Variants in AUTS2 observed in about 807,000 individuals in gnomAD.
The protein encoded by AUTS2 is autism susceptibility gene 2 protein.
Under a neutral mutation model 112.4 loss-of-function variants are expected in AUTS2, and 17 were observed. The ratio of observed to expected loss-of-function variants is 0.15; its 90% CI spans 0.10 to 0.23. The LOEUF (loss-of-function observed/expected upper bound fraction) is 0.23, where lower values mean the gene tolerates loss of function less well. AUTS2 is among the 10% of genes least tolerant of loss of function. AUTS2 has a pLI of 1.00. For synonymous variants in AUTS2, 751 were observed against 702.7 expected, an observed-to-expected ratio of 1.07 and a Z score of -1.09; for missense variants, 1,510 against 1,701.6, an observed-to-expected ratio of 0.89 and a Z score of 1.98.
At chr7:70,783,764 A>G (rs555245809) in intron 15 of AUTS2, 1 of 152,342 alleles carries the variant, frequency 6.6e-6, no homozygotes, top group African/African-American at 2.4e-5. Context: ...AATATAAACT[A>G]GAGACTTCTT....
chr7:69,724,848 C>G (rs746197540), intron 1 of AUTS2, among the ~76,000 whole-genome samples: 27 of 152,068 alleles, frequency 1.8e-4, no homozygotes, highest in Admixed American at 6.6e-4. Context: ...GGATCCATGT[C>G]CAGAGAGGGA....
At chr7:70,468,979 T>C (rs760903148) in intron 5 of AUTS2, among the ~76,000 whole-genome samples, 1 of 152,252 alleles carries the variant, frequency 6.6e-6, no homozygotes, top group Non-Finnish European at 1.5e-5. Context: ...GTCACGGGAC[T>C]CTGCCCTATA....
intron 5 of AUTS2, among the ~76,000 whole-genome samples, chr7:70,443,620 G>A (rs535786606): frequency 1.1e-4 from 17 of 152,286 alleles, no homozygotes; most frequent in African/African-American, 4.1e-4. Flanking sequence ...GGGTATATGT[G>A]TGTGTACTCT....
chr7:70,598,825 T>C (rs191589294), intron 5 of AUTS2, among the ~76,000 whole-genome samples: 32 of 152,342 alleles, frequency 2.1e-4, no homozygotes, highest in Admixed American at 1.6e-3. Flanking sequence ...TATGTATTTA[T>C]CTGAAGTCAG....
intron 4 of AUTS2, among the ~76,000 whole-genome samples, chr7:70,283,742 A>G (rs1788329846): frequency 6.6e-6 from 1 of 152,158 alleles, no homozygotes; most frequent in Non-Finnish European, 1.5e-5. Context: ...TCTACTTAGA[A>G]TAGTCCTTTG....
chr7:70,227,254 C>G (rs936499186), intron 4 of AUTS2, among the ~76,000 whole-genome samples: 1 of 151,324 alleles, frequency 6.6e-6, no homozygotes, highest in Admixed American at 6.6e-5. Context: ...ACACCCCTGC[C>G]ATTCTAATGT....
Position 70,791,089 on chromosome 7 carries a change from C to CT in AUTS2, c.*94dup. On this transcript the variant is annotated 3_prime_UTR_variant, in exon 19 of 19. Transcript: ENST00000342771. ...AGAACTCCTGCATGGCTCACACAGA[C>CT]TGGGGGGGAAAGCCCCACCCCTTCC... 1 of 1,294,810 alleles carries CT rather than the reference C, an allele frequency of 7.7e-7. No homozygotes were observed. Among genetic ancestry groups the CT allele is most frequent in the Admixed American group, 3.4e-5 (1 of 29,626 alleles). The allele number at this position is 1,294,810 out of a possible 1,614,324, so 80.2% of individuals were successfully genotyped here. A position where few individuals can be genotyped will look rare whatever the true frequency, so the allele number is the denominator to read the frequency against.
chr7:69,912,711 C>T (rs1029832165), intron 2 of AUTS2, among the ~76,000 whole-genome samples: 1 of 152,216 alleles, frequency 6.6e-6, no homozygotes, highest in Non-Finnish European at 1.5e-5. Flanking sequence ...CTACCTTCAG[C>T]TCTTTGGCTT....
intron 4 of AUTS2, among the ~76,000 whole-genome samples, chr7:70,228,231 TTATTAAACTACATTTAATTTG>T (rs1202569150): frequency 1.3e-5 from 2 of 151,992 alleles, no homozygotes; most frequent in African/African-American, 2.4e-5. Context: ...CTCCCCTTTA[TTATTAAACTACATTTAATTTG>T]TATTAAACTA....
At chr7:69,635,781 T>C (rs1015753144) in intron 1 of AUTS2, among the ~76,000 whole-genome samples, 2 of 152,262 alleles carry the variant, frequency 1.3e-5, no homozygotes, top group South Asian at 2.1e-4. Flanking sequence ...CCTCTTTCGC[T>C]GTATTTTACA....
At chr7:70,307,173 G>A (rs758411555) in intron 4 of AUTS2, among the ~76,000 whole-genome samples, 21 of 152,114 alleles carry the variant, frequency 1.4e-4, no homozygotes, top group Non-Finnish European at 2.2e-4. Context: ...TGTACTTTAC[G>A]AATAAAATTC....
chr7:69,824,230 G>A (rs1322285755), intron 1 of AUTS2, among the ~76,000 whole-genome samples: 4 of 151,860 alleles, frequency 2.6e-5, no homozygotes, highest in South Asian at 2.1e-4. Context: ...TGGCTAACAC[G>A]GTGAAACCCC....
chr7:70,321,194 AG>A (rs1790236711), intron 4 of AUTS2, among the ~76,000 whole-genome samples: 1 of 152,194 alleles, frequency 6.6e-6, no homozygotes, highest in Non-Finnish European at 1.5e-5. Flanking sequence ...AGCTAGTAAA[AG>A]GTAGAGATGA....
At chr7:70,250,073 A>T (rs764603238) in intron 4 of AUTS2, among the ~76,000 whole-genome samples, 2 of 151,882 alleles carry the variant, frequency 1.3e-5, no homozygotes, top group Admixed American at 1.3e-4. Context: ...ATAAATGGGG[A>T]AGGAGCTCAG....
rs978188229 is a variant in AUTS2 at position 70,414,798 on chromosome 7, A to G, written c.661-20954A>G. Among the ~76,000 whole-genome samples, 26 of 152,152 alleles carry G rather than the reference A, an allele frequency of 1.7e-4. 1 individual carries two copies. Among genetic ancestry groups the G allele is most frequent in the African/African-American group, 5.3e-4 (22 of 41,446 alleles). On this transcript the variant is annotated intron_variant, in intron 4 of 18. Transcript: ENST00000342771. Reference sequence around the variant, plus strand: ...GGGAAAAAATGTATAGCTTAGCCCCAGTGGCTGCTGGGGTGAATCTCCAGG... The same window carrying G: ...GGGAAAAAATGTATAGCTTAGCCCCGGTGGCTGCTGGGGTGAATCTCCAGG...
chr7:70,475,259 T>C (rs1043399571), intron 5 of AUTS2, among the ~76,000 whole-genome samples: 2 of 152,226 alleles, frequency 1.3e-5, no homozygotes, highest in Non-Finnish European at 2.9e-5. Flanking sequence ...GGAACTGGTT[T>C]AGTAAAGATC....
chr7:69,699,423 A>G (rs982718818), intron 1 of AUTS2, among the ~76,000 whole-genome samples: 1 of 152,062 alleles, frequency 6.6e-6, no homozygotes, highest in Non-Finnish European at 1.5e-5. Context: ...GTTATACCAT[A>G]TTTAGCATAC....
chr7:70,748,580 A>C (rs1342077942), intron 6 of AUTS2, among the ~76,000 whole-genome samples: 1 of 152,186 alleles, frequency 6.6e-6, no homozygotes, highest in Non-Finnish European at 1.5e-5. Context: ...AATTTCTGCA[A>C]ATCAAGGAGA....
intron 5 of AUTS2, among the ~76,000 whole-genome samples, chr7:70,540,199 T>C (rs1328172955): frequency 1.3e-5 from 2 of 152,114 alleles, no homozygotes; most frequent in Non-Finnish European, 2.9e-5. Flanking sequence ...TATTTGTTGT[T>C]GTGATATTGT....
Sources: allele counts gnomAD v4.1 joint callset (sites outside exome capture counted in the v4.1 genomes callset), GRCh38; gene constraint gnomAD v4.1.1; transcripts MANE v1.5; gene names NCBI Gene and HGNC (gene_info 2026-07-23, HGNC 2026-07-21).